The following RTL4 variants were observed in gnomAD, a reference collection of about 807,000 sequenced individuals.
RTL4 encodes retrotransposon Gag-like protein 4.
Under a neutral mutation model 5.3 loss-of-function variants are expected in RTL4, and 4 were observed. That is an observed-to-expected ratio of 0.75 (90% confidence interval 0.37 to 1.72). The LOEUF (loss-of-function observed/expected upper bound fraction) is 1.72. Ranked by LOEUF, RTL4 falls within the 40% of genes most tolerant of loss-of-function variation. RTL4 has a pLI of 0.04. For missense variants in RTL4, 260 were observed against 227.1 expected, an observed-to-expected ratio of 1.14 and a Z score of -0.93; for synonymous variants, 98 against 87.3, an observed-to-expected ratio of 1.12 and a Z score of -0.68.
chrX:112,128,752 A>G, the RTL4 span, among the ~76,000 whole-genome samples: 1 of 110,627 alleles, frequency 9.0e-6, no homozygotes, highest in African/African-American at 3.3e-5. Flanking sequence ...TCTAATCCTA[A>G]TATAAGAGAT....
the RTL4 span, among the ~76,000 whole-genome samples, chrX:112,300,500 C>T: frequency 8.9e-6 from 1 of 112,152 alleles, no homozygotes; most frequent in South Asian, 3.6e-4. Flanking sequence ...AAGTAAGTTA[C>T]AAATTCATTT....
chrX:112,250,995 G>T, the RTL4 span, among the ~76,000 whole-genome samples: 1 of 111,929 alleles, frequency 8.9e-6, no homozygotes, highest in African/African-American at 3.2e-5. Flanking sequence ...TATGATGATG[G>T]TTATGAGAGT....
chrX:112,282,386 G>C, the RTL4 span, among the ~76,000 whole-genome samples: 1 of 111,753 alleles, frequency 8.9e-6, no homozygotes, highest in African/African-American at 3.2e-5. Context: ...GATTTCTATA[G>C]CCTTGTAGTA....
At chrX:112,166,799 A>G in the RTL4 span, among the ~76,000 whole-genome samples, 1 of 112,124 alleles carries the variant, frequency 8.9e-6, no homozygotes, top group African/African-American at 3.2e-5. Context: ...TACGCACTGC[A>G]TGAGGTTATG....
At chrX:112,237,016 C>A in the RTL4 span, among the ~76,000 whole-genome samples, 2 of 110,923 alleles carry the variant, frequency 1.8e-5, no homozygotes, top group African/African-American at 6.6e-5. Flanking sequence ...AAGAGAGTGA[C>A]AATTCAAGAA....
At chrX:112,257,900 T>C in the RTL4 span, among the ~76,000 whole-genome samples, 1 of 106,675 alleles carries the variant, frequency 9.4e-6, no homozygotes, top group East Asian at 2.9e-4. Flanking sequence ...TATATATATA[T>C]ATACACATAT....
the RTL4 span, among the ~76,000 whole-genome samples, chrX:112,246,082 T>C: frequency 1.8e-5 from 2 of 111,984 alleles, no homozygotes; most frequent in East Asian, 2.8e-4. Flanking sequence ...TGATCCTTCC[T>C]CTGGAAGCTT....
chrX:112,312,505 A>G, the RTL4 span, among the ~76,000 whole-genome samples: 2,966 of 111,414 alleles, frequency 0.027, 82 homozygotes, highest in African/African-American at 0.092. Context: ...TCATTCCCTT[A>G]AGAAATGACA....
At chrX:112,248,829 A>C in the RTL4 span, among the ~76,000 whole-genome samples, 1 of 112,410 alleles carries the variant, frequency 8.9e-6, no homozygotes, top group Non-Finnish European at 1.9e-5. Context: ...CTACAGCAAT[A>C]AGTATCATTA....
At chrX:112,323,514 CAG>C in the RTL4 span, among the ~76,000 whole-genome samples, 1 of 109,304 alleles carries the variant, frequency 9.1e-6, no homozygotes, top group South Asian at 3.9e-4. Flanking sequence ...TCTTTTGAGA[CAG>C]AGTCTCACTC....
chrX:112,316,588 A>T, the RTL4 span, among the ~76,000 whole-genome samples: 1 of 112,223 alleles, frequency 8.9e-6, no homozygotes, highest in East Asian at 2.8e-4. Context: ...ACTCATACAA[A>T]TAAAAAAAAG....
At chrX:112,444,776 AT>A in the RTL4 span, among the ~76,000 whole-genome samples, 1 of 111,037 alleles carries the variant, frequency 9.0e-6, no homozygotes, top group African/African-American at 3.3e-5. Context: ...TTTCTTCTAT[AT>A]TTTCCAATTT....
the RTL4 span, among the ~76,000 whole-genome samples, chrX:112,271,486 T>C: frequency 8.9e-6 from 1 of 112,644 alleles, no homozygotes; most frequent in Non-Finnish European, 1.9e-5. Flanking sequence ...TGCTACCTTG[T>C]TTCATTTATT....
the RTL4 span, among the ~76,000 whole-genome samples, chrX:112,246,790 G>A: frequency 0.24 from 26,362 of 110,501 alleles, 2,922 homozygotes; most frequent in African/African-American, 0.44. Context: ...GAAATCACCC[G>A]TCTTCTGCAT....
the RTL4 span, among the ~76,000 whole-genome samples, chrX:112,260,094 G>T: frequency 9.0e-6 from 1 of 111,466 alleles, no homozygotes; most frequent in Admixed American, 9.5e-5. Flanking sequence ...GATCCCCTTT[G>T]GATAGAATGC....
At chrX:112,132,296 T>TAAGC in the RTL4 span, among the ~76,000 whole-genome samples, 5 of 111,569 alleles carry the variant, frequency 4.5e-5, no homozygotes, top group African/African-American at 1.6e-4. Flanking sequence ...GAGAGGAAGA[T>TAAGC]AAGCAGGCAG....
chrX:112,282,460 G>T, the RTL4 span, among the ~76,000 whole-genome samples: 1 of 111,761 alleles, frequency 8.9e-6, no homozygotes, highest in Non-Finnish European at 1.9e-5. Flanking sequence ...GTTCAAGATT[G>T]CTTTGGCTAT....
At chrX:112,375,323 A>G in the RTL4 span, among the ~76,000 whole-genome samples, 1 of 110,996 alleles carries the variant, frequency 9.0e-6, no homozygotes. Flanking sequence ...AGTGGTTCTC[A>G]GGCAAGCTTT....
the RTL4 span, among the ~76,000 whole-genome samples, chrX:112,395,124 A>T: frequency 8.9e-6 from 1 of 112,264 alleles, no homozygotes; most frequent in Non-Finnish European, 1.9e-5. Context: ...ATGACACACT[A>T]GTTGAAAGCT....
Sources: gnomAD v4.1 joint callset for allele counts (sites outside exome capture counted in the v4.1 genomes callset) on GRCh38, gnomAD v4.1.1 for gene constraint, MANE v1.5 for transcripts, NCBI Gene and HGNC (gene_info 2026-07-23, HGNC 2026-07-21) for gene names.